The following DIP2B variants were observed in gnomAD, a reference collection of about 807,000 sequenced individuals.
DIP2B encodes the protein disco-interacting protein 2 homolog B.
DIP2B carries 76 observed loss-of-function variants against 198.0 expected under a neutral mutation model. The ratio of observed to expected loss-of-function variants is 0.38; its 90% CI spans 0.32 to 0.46. The LOEUF is 0.46. DIP2B is among the 20% of genes least tolerant of loss of function. The pLI, the probability that DIP2B is intolerant of heterozygous loss-of-function variation, is 0.99. For synonymous variants in DIP2B, 701 were observed against 739.1 expected (o/e 0.95, Z 0.84); for missense variants, 1,559 against 1,978.4 (o/e 0.79, Z 4.02).
At chr12:50,560,749 T>G (rs1377724436) in intron 1 of DIP2B, among the ~76,000 whole-genome samples, 1 of 152,018 alleles carries the variant, frequency 6.6e-6, no homozygotes, top group Non-Finnish European at 1.5e-5. Flanking sequence ...AGACCCTGTC[T>G]CAAAAAAAAA....
rs1463051785 is a variant in DIP2B, at chr12:50,747,213, G to A, written c.*2374G>A. On this transcript the variant is annotated 3_prime_UTR_variant, in exon 38 of 38. Transcript: ENST00000301180. ...ATTTCAAGTCTTTGTAGCCAAATGT[G>A]ACTAGTGGCTACCATATTAGACAGT... 6.6e-6 allele frequency: 1 copy of A among 152,102 alleles called. No homozygotes were observed. The highest frequency in any genetic ancestry group is 1.9e-4 in the East Asian group (1 of 5,192). 9.4% of individuals were successfully genotyped at this position (152,102 alleles called of 1,614,324 possible).
chr12:50,644,110 C>A (rs1046947840), intron 3 of DIP2B, among the ~76,000 whole-genome samples: 2 of 152,184 alleles, frequency 1.3e-5, no homozygotes, highest in African/African-American at 4.8e-5. Flanking sequence ...ATTTCAGACA[C>A]AGTATAAAGA....
At chr12:50,594,830 T>C (rs1018615022) in intron 1 of DIP2B, among the ~76,000 whole-genome samples, 1 of 152,200 alleles carries the variant, frequency 6.6e-6, no homozygotes, top group Non-Finnish European at 1.5e-5. Flanking sequence ...ATTATATCAG[T>C]TTATATGTTT....
chr12:50,697,010 G>A (rs371537980), intron 16 of DIP2B, 51 bp from the exon 17 acceptor site: 2 of 1,381,872 alleles, frequency 1.4e-6, no homozygotes, highest in South Asian at 1.2e-5. Flanking sequence ...TTTTCCTACA[G>A]TAATGAAAAG....
intron 1 of DIP2B, among the ~76,000 whole-genome samples, chr12:50,615,293 T>G (rs903221012): frequency 6.6e-6 from 1 of 151,946 alleles, no homozygotes; most frequent in African/African-American, 2.4e-5. Flanking sequence ...TTTGGCAACA[T>G]TCATAATTAG....
intron 30 of DIP2B, among the ~76,000 whole-genome samples, chr12:50,729,833 G>A (rs889357591): frequency 2.0e-5 from 3 of 151,074 alleles, no homozygotes; most frequent in Non-Finnish European, 2.9e-5. Context: ...AAGCTCAAGC[G>A]ATCCTCCCAT....
chr12:50,544,980 C>T (rs1014816123), intron 1 of DIP2B, among the ~76,000 whole-genome samples: 2 of 152,108 alleles, frequency 1.3e-5, no homozygotes, highest in African/African-American at 4.8e-5. Context: ...AATACTAGCA[C>T]TTTGGGAGGC....
At chr12:50,655,490 CTT>C (rs1185513777) in intron 3 of DIP2B, among the ~76,000 whole-genome samples, 1 of 152,094 alleles carries the variant, frequency 6.6e-6, no homozygotes, top group Non-Finnish European at 1.5e-5. Flanking sequence ...TTGGGAAAGA[CTT>C]ATAGAATATA....
At chr12:50,591,498 C>T (rs1164901285) in intron 1 of DIP2B, among the ~76,000 whole-genome samples, 1 of 152,022 alleles carries the variant, frequency 6.6e-6, no homozygotes, top group Admixed American at 6.6e-5. Context: ...AGTACAGTGG[C>T]ATGATCTCAG....
At position 50,739,463 on chromosome 12, in the gene DIP2B, G is replaced by A. The variant is rs1384621504; in HGVS notation, c.4231G>A (p.Glu1411Lys). The A allele has an allele frequency of 3.4e-5, 55 of 1,614,036 alleles. No homozygotes were observed. The highest frequency in any genetic ancestry group is 4.4e-5 in the Non-Finnish European group (52 of 1,180,014). ...ASGYYTIYDS[E>K]TLQADHFNTR... is the part of the protein sequence containing the mutation. ...CGGCTACTACACCATCTATGATAGC[G>A]AGACTCTTCAAGCTGATCATTTCAA... Residue 1411 changes from glutamate (E) to lysine (K), a missense_variant, in exon 36 of 38, where the codon GAG becomes AAG. Coordinates refer to ENST00000301180, the MANE Select transcript of DIP2B (RefSeq NM_173602.3).
intron 19 of DIP2B, 58 bp downstream of exon 19, chr12:50,699,260 GGCA>G: frequency 1.2e-6 from 2 of 1,604,196 alleles, no homozygotes; most frequent in Non-Finnish European, 1.7e-6. Flanking sequence ...ATGTTACGAG[GGCA>G]GATCCCCTGG....
chr12:50,581,471 C>T (rs1381438385), intron 1 of DIP2B, among the ~76,000 whole-genome samples: 1 of 149,190 alleles, frequency 6.7e-6, no homozygotes, highest in Non-Finnish European at 1.5e-5. Context: ...TACAGTTGAC[C>T]TTGTTTGCCA....
chr12:50,697,113 G>GA lies in DIP2B; in HGVS notation c.1988dup (p.Pro664AlafsTer2), dbSNP rs1939326111. On this transcript the variant is annotated frameshift_variant, in exon 17 of 38. Coordinates refer to ENST00000301180, the MANE Select transcript of DIP2B (RefSeq NM_173602.3). LOFTEE classifies it high-confidence loss of function. ...TGAGTCTGTTCCAAAGTCATGGACTGAAGCCTGAGGCCATCTGTCCGTGCG... is the reference window on the plus strand; with the variant it reads ...TGAGTCTGTTCCAAAGTCATGGACTGAAAGCCTGAGGCCATCTGTCCGTGCG... 1 of 1,614,002 alleles carries GA rather than the reference G, an allele frequency of 6.2e-7. No individual in the cohort carries two copies. The highest frequency in any genetic ancestry group is 8.5e-7 in the Non-Finnish European group (1 of 1,179,998).
intron 1 of DIP2B, among the ~76,000 whole-genome samples, chr12:50,596,529 T>G (rs1051026970): frequency 6.6e-6 from 1 of 152,196 alleles, no homozygotes; most frequent in Non-Finnish European, 1.5e-5. Flanking sequence ...TGACCTGGTT[T>G]GGATGATCCT....
intron 9 of DIP2B, among the ~76,000 whole-genome samples, chr12:50,681,962 T>C (rs1020386398): frequency 6.6e-6 from 1 of 152,224 alleles, no homozygotes; most frequent in Non-Finnish European, 1.5e-5. Context: ...AAAAGTGAAC[T>C]TCTCTTGGGA....
At chr12:50,640,283 G>T (rs74349134) in intron 2 of DIP2B, among the ~76,000 whole-genome samples, 2,023 of 152,220 alleles carry the variant, frequency 0.013, 50 homozygotes, top group African/African-American at 0.046. Flanking sequence ...TGGAAGAGGG[G>T]CTAATAGACT....
At chr12:50,663,513 G>A (rs569575134) in intron 4 of DIP2B, among the ~76,000 whole-genome samples, 34 of 151,424 alleles carry the variant, frequency 2.2e-4, no homozygotes, top group African/African-American at 6.1e-4. Context: ...CCGAGACCGC[G>A]CCACTGCATT....
chr12:50,506,753 T>C (rs1957971961), intron 1 of DIP2B, among the ~76,000 whole-genome samples: 1 of 152,218 alleles, frequency 6.6e-6, no homozygotes, highest in South Asian at 2.1e-4. Context: ...CAATTCTGTC[T>C]CTCAAGATAA....
chr12:50,555,549 A>C (rs1018706670), intron 1 of DIP2B, among the ~76,000 whole-genome samples: 3 of 152,018 alleles, frequency 2.0e-5, no homozygotes, highest in African/African-American at 7.3e-5. Flanking sequence ...GAGGCTGTGC[A>C]CTCATTCTGC....
Sources: allele counts gnomAD v4.1 joint callset (sites outside exome capture counted in the v4.1 genomes callset), GRCh38; gene constraint gnomAD v4.1.1; transcripts MANE v1.5; gene names NCBI Gene and HGNC (gene_info 2026-07-23, HGNC 2026-07-21).